CNTNAP2: variants seen among roughly 807,000 people sequenced by gnomAD.
CNTNAP2 encodes the protein contactin associated protein 2.
In CNTNAP2, 98 loss-of-function variants were observed where a neutral mutation model predicts 155.2. The observed-to-expected ratio is 0.63, with a 90% CI of 0.54 to 0.75. The LOEUF (loss-of-function observed/expected upper bound fraction) is 0.75, where lower values mean the gene tolerates loss of function less well. Ranked by LOEUF, CNTNAP2 falls within the 30% of genes least tolerant of loss-of-function variation. The pLI is 0.00. For synonymous variants in CNTNAP2, 651 were observed against 631.2 expected (o/e 1.03, Z -0.47); for missense variants, 1,727 against 1,688.1 (o/e 1.02, Z -0.40).
intron 11 of CNTNAP2, among the ~76,000 whole-genome samples, chr7:147,491,234 C>T (rs986176367): frequency 2.0e-5 from 3 of 152,138 alleles, no homozygotes; most frequent in Admixed American, 1.3e-4. Context: ...ACATCTCCTC[C>T]CATTCTCCCC....
At chr7:147,257,062 T>C (rs73461215) in intron 8 of CNTNAP2, among the ~76,000 whole-genome samples, 2,691 of 152,286 alleles carry the variant, frequency 0.018, 83 homozygotes, top group African/African-American at 0.062. Flanking sequence ...TGATAGGTTT[T>C]TGACAAAACG....
chr7:146,147,716 C>T (rs758844014), intron 1 of CNTNAP2, among the ~76,000 whole-genome samples: 2 of 152,056 alleles, frequency 1.3e-5, no homozygotes, highest in Non-Finnish European at 1.5e-5. Context: ...TATCCTGTTA[C>T]GTTGACTTCT....
chr7:146,772,502 C>CAAAAA (rs71165037), intron 1 of CNTNAP2, among the ~76,000 whole-genome samples: 2,082 of 96,164 alleles, frequency 0.022, 25 homozygotes, highest in Middle Eastern at 0.041. Context: ...ACTGAAAATA[C>CAAAAA]AAAAAAAAAA....
chr7:147,556,212 C>A (rs1799949756), intron 11 of CNTNAP2, among the ~76,000 whole-genome samples: 1 of 152,110 alleles, frequency 6.6e-6, no homozygotes, highest in Admixed American at 6.5e-5. Context: ...GCTTAATATA[C>A]CTTGTGTTCA....
At chr7:148,365,693 T>C (rs1197596423) in intron 21 of CNTNAP2, among the ~76,000 whole-genome samples, 2 of 118,294 alleles carry the variant, frequency 1.7e-5, no homozygotes, top group African/African-American at 5.6e-5. Context: ...TATATATGTA[T>C]ATATGTATAC....
rs540389941 is a variant in CNTNAP2 at position 147,500,095 on chromosome 7, A to T, written c.1777+14054A>T. Among the ~76,000 whole-genome samples the T allele has an allele frequency of 9.0e-3, 1,349 of 149,332 alleles. 19 individuals are homozygous for T. Among genetic ancestry groups the T allele is most frequent in the African/African-American group, 0.032 (1,250 of 39,648 alleles). On this transcript the variant is annotated intron_variant, in intron 11 of 23. Coordinates refer to ENST00000361727, the MANE Select transcript of CNTNAP2 (RefSeq NM_014141.6). The stretch of plus-strand genomic sequence containing the variant: ...TAAAACCAGAGCAAGATTTTTTTTT[A>T]AAAAAACTGGTAGTAAGCAGAAGTG...
At chr7:146,828,376 T>G (rs1370596596) in intron 2 of CNTNAP2, among the ~76,000 whole-genome samples, 1 of 152,012 alleles carries the variant, frequency 6.6e-6, no homozygotes, top group Admixed American at 6.6e-5. Context: ...TGTAACATAA[T>G]AGCTTGCATT....
intron 1 of CNTNAP2, among the ~76,000 whole-genome samples, chr7:146,737,525 T>C (rs1324069423): frequency 1.3e-5 from 2 of 152,096 alleles, no homozygotes; most frequent in Non-Finnish European, 2.9e-5. Flanking sequence ...ATGGAACAGG[T>C]ATAACGGGTT....
At chr7:146,726,120 TTAA>T (rs1243777030) in intron 1 of CNTNAP2, among the ~76,000 whole-genome samples, 3 of 152,182 alleles carry the variant, frequency 2.0e-5, no homozygotes, top group African/African-American at 7.2e-5. Context: ...ACATTTTATA[TTAA>T]TAGGCATCTT....
intron 5 of CNTNAP2, 101 bp from the exon 6 acceptor site, chr7:147,120,878 T>C: frequency 9.3e-7 from 1 of 1,071,664 alleles, no homozygotes; most frequent in South Asian, 1.3e-5. Context: ...AGAGCTTTGA[T>C]GGAATGTCAG....
chr7:146,669,566 C>T (rs1475114631), intron 1 of CNTNAP2, among the ~76,000 whole-genome samples: 2 of 152,082 alleles, frequency 1.3e-5, no homozygotes, highest in Admixed American at 6.6e-5. Context: ...TTGAAATGTA[C>T]TTCAGAACAT....
intron 6 of CNTNAP2, chr7:147,122,833 G>A (rs1801148708): frequency 6.6e-6 from 1 of 152,074 alleles, no homozygotes; most frequent in Non-Finnish European, 1.5e-5. Flanking sequence ...ACCCAGTTCT[G>A]AAATTGGAGA....
chr7:147,511,690 T>C (rs1799025520), intron 11 of CNTNAP2, among the ~76,000 whole-genome samples: 1 of 152,130 alleles, frequency 6.6e-6, no homozygotes, highest in South Asian at 2.1e-4. Context: ...CAGGAGTATT[T>C]AATGGCATCC....
intron 3 of CNTNAP2, among the ~76,000 whole-genome samples, chr7:146,937,090 T>A (rs1252527075): frequency 6.6e-6 from 1 of 151,908 alleles, no homozygotes; most frequent in Non-Finnish European, 1.5e-5. Flanking sequence ...ATCGAGGGAT[T>A]TAGAAAGTGA....
At chr7:146,948,987 T>A (rs1387454565) in intron 3 of CNTNAP2, among the ~76,000 whole-genome samples, 1 of 152,190 alleles carries the variant, frequency 6.6e-6, no homozygotes, top group Admixed American at 6.6e-5. Context: ...ATACAATGGT[T>A]ATAGCCAGTC....
At chr7:146,847,229 G>C (rs1803859157) in intron 3 of CNTNAP2, among the ~76,000 whole-genome samples, 1 of 152,148 alleles carries the variant, frequency 6.6e-6, no homozygotes, top group Non-Finnish European at 1.5e-5. Context: ...TGGTAACTTA[G>C]AGGAATACTA....
At chr7:146,968,715 G>T (rs1484145125) in intron 3 of CNTNAP2, among the ~76,000 whole-genome samples, 5 of 151,672 alleles carry the variant, frequency 3.3e-5, no homozygotes, top group African/African-American at 1.2e-4. Flanking sequence ...TTCTTTATTA[G>T]TCTTGCTAGC....
chr7:146,891,593 T>C (rs981086723), intron 3 of CNTNAP2, among the ~76,000 whole-genome samples: 4 of 152,196 alleles, frequency 2.6e-5, no homozygotes, highest in African/African-American at 9.7e-5. Flanking sequence ...AGTACCTGAA[T>C]GAATATGAAC....
chr7:148,330,651 G>A (rs1360367111), intron 21 of CNTNAP2, among the ~76,000 whole-genome samples: 8 of 149,248 alleles, frequency 5.4e-5, no homozygotes, highest in Non-Finnish European at 1.0e-4. Flanking sequence ...TGGACGGATG[G>A]AATGGATGGA....
Sources: allele counts gnomAD v4.1 joint callset (sites outside exome capture counted in the v4.1 genomes callset), GRCh38; gene constraint gnomAD v4.1.1; transcripts MANE v1.5; gene names NCBI Gene and HGNC (gene_info 2026-07-23, HGNC 2026-07-21).